The following JADE1 variants were observed in gnomAD, a reference collection of about 807,000 sequenced individuals.
JADE1 encodes protein Jade-1.
In JADE1, 14 loss-of-function variants were observed where a neutral mutation model predicts 81.8. The ratio of observed to expected loss-of-function variants is 0.17; its 90% CI spans 0.11 to 0.27. The LOEUF (loss-of-function observed/expected upper bound fraction) is 0.27. JADE1 is among the 10% of genes least tolerant of loss of function. The pLI is 1.00. For missense variants in JADE1, 690 were observed against 1,047.9 expected, an observed-to-expected ratio of 0.66 and a Z score of 4.71; for synonymous variants, 353 against 391.9, an observed-to-expected ratio of 0.90 and a Z score of 1.17.
At chr4:128,827,761 T>C in intron 1 of JADE1, 1 of 343,790 alleles carries the variant, frequency 2.9e-6, no homozygotes, top group Non-Finnish European at 4.1e-6. Flanking sequence ...TAGGTACAAG[T>C]AGTTGAAGGG....
In JADE1 at chr4:128,872,036, G is replaced by A. The variant is rs558784631; in HGVS notation, c.2303G>A (p.Gly768Glu). The change falls in exon 11 of 11, where the codon GGG becomes GAG. Residue 768 changes from glycine to glutamate, a missense_variant. Gly to Glu is a moderately conservative substitution (Grantham distance 98, BLOSUM62 -2). Transcript: ENST00000226319. ...CAGCAGCAGGGAGAGGCCCACGATG[G>A]GGCCTGCCACCAGCACTCAGACTAC... is the stretch of plus-strand genomic sequence containing the variant. Reference protein sequence around the residue: ...ERQQQGEAHDGACHQHSDYPY... With the variant: ...ERQQQGEAHDEACHQHSDYPY... The A allele has an allele frequency of 1.2e-6, 2 of 1,613,968 alleles. No homozygotes were observed. Among genetic ancestry groups the A allele is most frequent in the South Asian group, 1.1e-5 (1 of 91,078 alleles).
chr4:128,832,117 T>TG (rs1408922106), intron 2 of JADE1, among the ~76,000 whole-genome samples: 2 of 152,192 alleles, frequency 1.3e-5, no homozygotes, highest in African/African-American at 4.8e-5. Context: ...ACTTCGCAGT[T>TG]GCGCTTTATG....
chr4:128,846,602 AGAAGAGACAATTTCTGTGG>A lies in JADE1; in HGVS notation c.296+80_296+98del, dbSNP rs566126346. ...CTTCTTCCCTGACAGCAGGCATCTG[AGAAGAGACAATTTCTGTGG>A]GAAGAGACAGTTTCTGAGTTAGCAT... On this transcript the variant is annotated intron_variant, in intron 4 of 10. Transcript: ENST00000226319. This position sits in a 1 kb window ranked among gnomAD's most constrained non-coding sequence, Gnocchi z 4.0. The A allele has an allele frequency of 3.8e-3, 5,694 of 1,511,172 alleles. 24 individuals carry two copies. The highest frequency in any genetic ancestry group is 4.4e-3 in the Non-Finnish European group (4,909 of 1,105,038). The allele number at this position is 1,511,172 out of a possible 1,614,324, so 93.6% of individuals were successfully genotyped here.
chr4:128,827,804 G>A (rs1239191512), intron 1 of JADE1: 4 of 890,812 alleles, frequency 4.5e-6, no homozygotes, highest in African/African-American at 1.8e-5. Context: ...ACTTCAGAGA[G>A]TCATAACATT....
At chr4:128,843,085 CA>C (rs1729586107) in intron 3 of JADE1, 47 bp downstream of exon 3, 7 of 1,471,386 alleles carry the variant, frequency 4.8e-6, no homozygotes. Flanking sequence ...TATGCTATCC[CA>C]TATGCCTAGT....
At chr4:128,809,970 CCCGCGGCGGCGA>C (rs1210649790) in intron 1 of JADE1, 93 bp downstream of exon 1, 1 of 159,462 alleles carries the variant, frequency 6.3e-6, no homozygotes, top group East Asian at 1.8e-4. Context: ...GCGTCCCGGT[CCCGCGGCGGCGA>C]CGGCGGCGGC....
At chr4:128,853,735 G>C (rs1348209487) in intron 6 of JADE1, among the ~76,000 whole-genome samples, 1 of 152,160 alleles carries the variant, frequency 6.6e-6, no homozygotes, top group African/African-American at 2.4e-5. Flanking sequence ...ATAGGTGCTT[G>C]GTGACTTCTT....
At chr4:128,864,900 T>C (rs1007058248) in intron 9 of JADE1, 4 of 152,264 alleles carry the variant, frequency 2.6e-5, no homozygotes, top group African/African-American at 9.7e-5. Context: ...TCAGGAGGGC[T>C]TGGGAGCACA....
intron 1 of JADE1, among the ~76,000 whole-genome samples, chr4:128,818,754 C>T (rs748153574): frequency 6.6e-6 from 1 of 152,216 alleles, no homozygotes; most frequent in Non-Finnish European, 1.5e-5. Flanking sequence ...TTTTGTATGT[C>T]ATGAAATGTT....
chr4:128,871,481 T>C lies in JADE1; in HGVS notation c.1748T>C (p.Met583Thr). ...CATTCTGCATTCTTCAGAAAACAAA[T>C]GGGTACTTCCTTGGTTCATTCGCTG... ...KWHSAFFRKQMGTSLVHSLKK... is the reference protein window; with the variant it reads ...KWHSAFFRKQTGTSLVHSLKK... The change falls in exon 11 of 11, where the codon ATG (methionine) becomes ACG (threonine). Residue 583 changes from methionine (M) to threonine (T), a missense_variant. Met to Thr is a moderately conservative substitution (Grantham distance 81). Around this residue, in one of 8 missense-constraint regions of JADE1, gnomAD observed 86 missense variants for 95.4 expected, o/e 0.90. Transcript: ENST00000226319. This position sits in a 1 kb window ranked among gnomAD's most constrained non-coding sequence, Gnocchi z 4.1. 1.2e-6 allele frequency: 2 copies of C among 1,614,126 alleles called. No individual in the cohort carries two copies. The highest frequency in any genetic ancestry group is 2.2e-5 in the South Asian group (2 of 91,076).
chr4:128,867,728 C>A lies in JADE1; in HGVS notation c.1504-128C>A, dbSNP rs182043505. 85 of 537,036 alleles carry A rather than the reference C, an allele frequency of 1.6e-4. 2 individuals are homozygous for A. The Admixed American group carries it at 2.2e-3, about 14-fold the overall frequency. 33.3% of individuals were successfully genotyped at this position (537,036 alleles called of 1,614,324 possible). ...GAGATTGGATAAAATGTTTAAAGTA[C>A]CTATTGATTTCAAGTATCTGTCAAG... is the stretch of plus-strand genomic sequence containing the variant. On this transcript the variant is annotated intron_variant, in intron 9 of 10. Transcript: ENST00000226319.
chr4:128,870,775 A>G (rs1732131994), intron 10 of JADE1, among the ~76,000 whole-genome samples: 1 of 152,242 alleles, frequency 6.6e-6, no homozygotes, highest in South Asian at 2.1e-4. Flanking sequence ...TGCACATAAT[A>G]ATAATGAACA....
chr4:128,826,559 G>T (rs1365112330), intron 1 of JADE1, among the ~76,000 whole-genome samples: 1 of 149,636 alleles, frequency 6.7e-6, no homozygotes, highest in East Asian at 2.0e-4. Flanking sequence ...CAGTAGAGAC[G>T]GGGTTTTCCC....
intron 2 of JADE1, among the ~76,000 whole-genome samples, chr4:128,836,928 T>C (rs1036146859): frequency 2.6e-5 from 4 of 152,126 alleles, no homozygotes; most frequent in Non-Finnish European, 4.4e-5. Context: ...AATGGTGTTT[T>C]TGTTGGTTTT....
intron 6 of JADE1, among the ~76,000 whole-genome samples, chr4:128,855,184 T>G (rs1730688201): frequency 1.3e-5 from 2 of 152,186 alleles, no homozygotes; most frequent in African/African-American, 4.8e-5. Flanking sequence ...CACTCTGTAT[T>G]CCACCCCACC....
chr4:128,869,025 C>T (rs750942259), intron 10 of JADE1, among the ~76,000 whole-genome samples: 1 of 152,138 alleles, frequency 6.6e-6, no homozygotes, highest in East Asian at 1.9e-4. Context: ...GTTGTTATAA[C>T]CTGTTGTGTT....
In JADE1 at chr4:128,873,886, A is replaced by G. The variant is rs761208214; in HGVS notation, c.*1624A>G. On this transcript the variant is annotated 3_prime_UTR_variant, in exon 11 of 11. Coordinates refer to ENST00000226319, the MANE Select transcript of JADE1 (RefSeq NM_199320.4). Reference sequence around the variant, plus strand: ...CAACAAAAAAGGCTTATTGAATCCCATCTTGCTATGCAAGTTTTATCAGAT... The same window carrying G: ...CAACAAAAAAGGCTTATTGAATCCCGTCTTGCTATGCAAGTTTTATCAGAT... The G allele has an allele frequency of 3.9e-5, 6 of 152,678 alleles. No individual in the cohort carries two copies. The highest frequency in any genetic ancestry group is 8.8e-5 in the Non-Finnish European group (6 of 68,040). 9.5% of individuals were successfully genotyped at this position (152,678 alleles called of 1,614,324 possible).
rs541359647 is a variant in JADE1 at position 128,818,955 on chromosome 4, C to T, written c.-27+9078C>T. On this transcript the variant is annotated intron_variant, in intron 1 of 10. Transcript: ENST00000226319. ...CTTGATCCTCCCATCTCAGCCTCCCCAGTAGCTGGGACTGCAGGCATCCCA... is the reference window on the plus strand; with the variant it reads ...CTTGATCCTCCCATCTCAGCCTCCCTAGTAGCTGGGACTGCAGGCATCCCA... Among the ~76,000 whole-genome samples the T allele has an allele frequency of 3.3e-5, 5 of 151,844 alleles. No individual in the cohort carries two copies. The South Asian group carries it at 1.0e-3, about 32-fold the overall frequency.
chr4:128,843,406 T>A (rs1384103395), intron 3 of JADE1, among the ~76,000 whole-genome samples: 1 of 152,228 alleles, frequency 6.6e-6, no homozygotes, highest in Non-Finnish European at 1.5e-5. Flanking sequence ...TGCTGCCAAG[T>A]CACTGCCAGC....
Sources: gnomAD v4.1 joint callset for allele counts (sites outside exome capture counted in the v4.1 genomes callset) on GRCh38, gnomAD v4.1.1 for gene constraint, gnomAD v4.1.1 regional missense constraint, Gnocchi (gnomAD v3.1) non-coding constraint, MANE v1.5 for transcripts, NCBI Gene and HGNC (gene_info 2026-07-23, HGNC 2026-07-21) for gene names.